AFG1L: variants seen among roughly 807,000 people sequenced by gnomAD.
AFG1L encodes AFG1 like ATPase, also known as AFG1-like ATPase.
Under a neutral mutation model 62.2 loss-of-function variants are expected in AFG1L, and 53 were observed. The observed-to-expected ratio is 0.85, with a 90% CI of 0.68 to 1.07. The LOEUF (loss-of-function observed/expected upper bound fraction) is 1.07, where lower values mean the gene tolerates loss of function less well. Among genes scored for constraint, AFG1L ranks in the 50% least tolerant of loss-of-function variants. The probability of loss-of-function intolerance (pLI) is 0.00; values close to 1 mark genes in which losing one functional copy is unlikely to be tolerated. For synonymous variants in AFG1L, 228 were observed against 210.3 expected, an observed-to-expected ratio of 1.08 and a Z score of -0.73; for missense variants, 555 against 590.5, an observed-to-expected ratio of 0.94 and a Z score of 0.62.
At chr6:108,378,674 T>A (rs1475268914) in intron 6 of AFG1L, among the ~76,000 whole-genome samples, 1 of 152,136 alleles carries the variant, frequency 6.6e-6, no homozygotes, top group South Asian at 2.1e-4. Flanking sequence ...TTAGGTACCA[T>A]TGCTGGAGAT....
intron 8 of AFG1L, among the ~76,000 whole-genome samples, chr6:108,460,365 TTG>T (rs928029038): frequency 1.3e-5 from 2 of 152,176 alleles, no homozygotes; most frequent in African/African-American, 4.8e-5. Flanking sequence ...AGGAACCTAT[TTG>T]TATCTCTGAA....
At chr6:108,453,065 A>G (rs1464957943) in intron 8 of AFG1L, among the ~76,000 whole-genome samples, 1 of 152,198 alleles carries the variant, frequency 6.6e-6, no homozygotes, top group Non-Finnish European at 1.5e-5. Context: ...TTTACCGGAC[A>G]TTAGACCTTA....
chr6:108,329,904 G>A (rs1778201857), intron 2 of AFG1L, among the ~76,000 whole-genome samples: 1 of 152,140 alleles, frequency 6.6e-6, no homozygotes, highest in African/African-American at 2.4e-5. Flanking sequence ...TCTTTCAGAG[G>A]TGACTGGGTC....
Position 108,356,719 on chromosome 6 carries a change from A to G in AFG1L, c.547A>G (p.Lys183Glu), listed in dbSNP as rs551769973. Reference protein sequence around the residue: ...RIHRLKQSLPKRKPGFMAKSY... With the variant: ...RIHRLKQSLPERKPGFMAKSY... ...ACATCGCCTTAAACAGAGTTTGCCA[A>G]AAAGGAAACCAGGATTCATGGCTAA... Residue 183 changes from lysine (K) to glutamate (E), a missense_variant, in exon 5 of 13, where the codon AAA becomes GAA. Physicochemically the swap from Lys to Glu is moderately conservative, Grantham distance 56 (BLOSUM62 1). Transcript: ENST00000368977. 5 of 1,612,298 alleles carry G rather than the reference A, an allele frequency of 3.1e-6. No homozygotes were observed. In the East Asian group the frequency reaches 6.7e-5, roughly 22 times the overall value.
At chr6:108,378,036 T>C (rs1039221914) in intron 6 of AFG1L, among the ~76,000 whole-genome samples, 9 of 150,294 alleles carry the variant, frequency 6.0e-5, no homozygotes, top group Admixed American at 1.3e-4. Flanking sequence ...AATTCTTCTT[T>C]TTTTTTTTTT....
chr6:108,472,394 C>A (rs1309316643), intron 8 of AFG1L, among the ~76,000 whole-genome samples: 1 of 152,088 alleles, frequency 6.6e-6, no homozygotes, highest in Non-Finnish European at 1.5e-5. Context: ...CGCCCCCAAC[C>A]CCTCACACAC....
At chr6:108,494,171 C>A (rs765502308) in intron 10 of AFG1L, among the ~76,000 whole-genome samples, 1 of 151,944 alleles carries the variant, frequency 6.6e-6, no homozygotes, top group African/African-American at 2.4e-5. Context: ...TTTCCATCCC[C>A]GCTCCCCCTG....
intron 10 of AFG1L, among the ~76,000 whole-genome samples, chr6:108,485,623 TAA>T: frequency 1.9e-5 from 1 of 53,908 alleles, no homozygotes; most frequent in Non-Finnish European, 3.5e-5. Context: ...AATACGAATT[TAA>T]ATATATATAT....
chr6:108,402,458 C>T lies in AFG1L; in HGVS notation c.807+404C>T, dbSNP rs143059395. Reference sequence around the variant, plus strand: ...TAGCCTGGGTGACAGGGCGAGACGCCGTCTCGAATAAAAAAAAAAAAAAAA... The same window carrying T: ...TAGCCTGGGTGACAGGGCGAGACGCTGTCTCGAATAAAAAAAAAAAAAAAA... On this transcript the variant is annotated intron_variant, in intron 7 of 12. Coordinates refer to ENST00000368977, the MANE Select transcript of AFG1L (RefSeq NM_145315.5). Among the ~76,000 whole-genome samples the T allele has an allele frequency of 6.6e-3, 870 of 132,500 alleles. 10 individuals are homozygous for T. Among genetic ancestry groups the T allele is most frequent in the African/African-American group, 0.024 (789 of 32,414 alleles). The allele number at this position is 132,500 out of a possible 152,430, so 86.9% of individuals were successfully genotyped here.
intron 6 of AFG1L, among the ~76,000 whole-genome samples, chr6:108,380,766 C>T (rs186259334): frequency 3.9e-5 from 6 of 152,304 alleles, no homozygotes; most frequent in Non-Finnish European, 8.8e-5. Flanking sequence ...GTCTCCAATC[C>T]TCTCCTCAAG....
chr6:108,441,248 A>C (rs1202988286), intron 7 of AFG1L, among the ~76,000 whole-genome samples: 1 of 152,194 alleles, frequency 6.6e-6, no homozygotes, highest in African/African-American at 2.4e-5. Context: ...AGGATTGCTA[A>C]AAATACACAC....
At chr6:108,452,364 A>T (rs1034030788) in intron 8 of AFG1L, among the ~76,000 whole-genome samples, 2 of 152,086 alleles carry the variant, frequency 1.3e-5, no homozygotes, top group Non-Finnish European at 1.5e-5. Context: ...TTTCCTGGGG[A>T]GAGGAGTTCA....
At chr6:108,407,749 G>C (rs1198539150) in intron 7 of AFG1L, among the ~76,000 whole-genome samples, 1 of 151,058 alleles carries the variant, frequency 6.6e-6, no homozygotes, top group Non-Finnish European at 1.5e-5. Flanking sequence ...TTGTTCTTCA[G>C]GTCTTGAACA....
At chr6:108,490,098 C>T (rs1468113018) in intron 10 of AFG1L, among the ~76,000 whole-genome samples, 5 of 152,194 alleles carry the variant, frequency 3.3e-5, no homozygotes, top group African/African-American at 1.2e-4. Context: ...CGGTGGCTTA[C>T]GCCTGTAATC....
chr6:108,370,804 T>C (rs1779971125), intron 6 of AFG1L, among the ~76,000 whole-genome samples: 1 of 152,168 alleles, frequency 6.6e-6, no homozygotes, highest in Non-Finnish European at 1.5e-5. Flanking sequence ...CATTTTCTTT[T>C]TTTCCTCTCT....
chr6:108,389,559 T>G (rs910343868), intron 6 of AFG1L, among the ~76,000 whole-genome samples: 4 of 152,164 alleles, frequency 2.6e-5, no homozygotes, highest in Admixed American at 6.6e-5. Context: ...AGGAGCTCTT[T>G]TAGGGCAGGC....
chr6:108,510,480 T>C (rs1397394234), intron 11 of AFG1L, 128 bp downstream of exon 11: 2 of 682,026 alleles, frequency 2.9e-6, no homozygotes, highest in African/African-American at 3.7e-5. Flanking sequence ...CATTCCCTCA[T>C]GTGTGAATTG....
chr6:108,455,207 G>A (rs925019974), intron 8 of AFG1L, among the ~76,000 whole-genome samples: 2 of 152,154 alleles, frequency 1.3e-5, no homozygotes, highest in African/African-American at 4.8e-5. Flanking sequence ...TCTAGGATTT[G>A]CTTCAAAATA....
intron 10 of AFG1L, among the ~76,000 whole-genome samples, chr6:108,504,018 T>C (rs1000921032): frequency 5.3e-5 from 8 of 152,336 alleles, no homozygotes; most frequent in African/African-American, 1.9e-4. Flanking sequence ...TGCTCTGTGT[T>C]AGGCTTTGCC....
Sources: allele counts gnomAD v4.1 joint callset (sites outside exome capture counted in the v4.1 genomes callset), GRCh38; gene constraint gnomAD v4.1.1; transcripts MANE v1.5; gene names NCBI Gene and HGNC (gene_info 2026-07-23, HGNC 2026-07-21).